ENTPD5: variants seen among roughly 807,000 people sequenced by gnomAD.
ENTPD5 encodes ectonucleoside triphosphate diphosphohydrolase 5 (inactive), also known as nucleoside diphosphate phosphatase ENTPD5.
A neutral mutation model predicts 60.2 loss-of-function variants in ENTPD5; 49 were observed. The ratio of observed to expected loss-of-function variants is 0.81; its 90% CI spans 0.65 to 1.03. ENTPD5 has a LOEUF of 1.03. ENTPD5 is among the 50% of genes least tolerant of loss of function. The pLI, the probability that ENTPD5 is intolerant of heterozygous loss-of-function variation, is 0.00. For missense variants in ENTPD5, 480 were observed against 507.6 expected (o/e 0.95, Z 0.52); for synonymous variants, 187 against 185.4 (o/e 1.01, Z -0.07).
At chr14:74,011,681 C>G (rs1410488312) in intron 2 of ENTPD5, among the ~76,000 whole-genome samples, 2 of 152,048 alleles carry the variant, frequency 1.3e-5, no homozygotes, top group African/African-American at 4.8e-5. Context: ...GCCTGTAGTC[C>G]CAGCTACTTG....
chr14:73,962,660 GT>G, downstream of ENTPD5: 1 of 283,996 alleles, frequency 3.5e-6, no homozygotes, highest in Non-Finnish European at 6.5e-6. Flanking sequence ...TTAAAGATAT[GT>G]TTTTTCTGAT....
chr14:73,995,427 T>G (rs2058307147), intron 3 of ENTPD5, among the ~76,000 whole-genome samples: 1 of 151,938 alleles, frequency 6.6e-6, no homozygotes, highest in African/African-American at 2.4e-5. Flanking sequence ...CAGTAGATGT[T>G]GAATGAATAC....
downstream of ENTPD5, chr14:73,958,968 C>A: frequency 6.2e-7 from 1 of 1,613,662 alleles, no homozygotes; most frequent in South Asian, 1.1e-5. Context: ...TGTGTCCATG[C>A]AGATAGGTGC....
chr14:74,006,961 A>AT (rs1466617362), intron 3 of ENTPD5, among the ~76,000 whole-genome samples: 1 of 152,226 alleles, frequency 6.6e-6, no homozygotes, highest in Admixed American at 6.5e-5. Flanking sequence ...TTGAAGATAC[A>AT]TATCAGTTAA....
intron 4 of ENTPD5, 39 bp downstream of exon 4, chr14:73,987,847 G>A (rs118036060): frequency 6.3e-7 from 1 of 1,591,592 alleles, no homozygotes; most frequent in Non-Finnish European, 8.6e-7. Flanking sequence ...GCTAAAGTGT[G>A]GATTTACAGA....
chr14:73,994,422 G>A (rs1162453912), intron 3 of ENTPD5, among the ~76,000 whole-genome samples: 1 of 150,682 alleles, frequency 6.6e-6, no homozygotes, highest in Non-Finnish European at 1.5e-5. Flanking sequence ...CCTCCGCACC[G>A]AGCAATGTAA....
chr14:74,002,151 G>A (rs1209687982), intron 3 of ENTPD5, among the ~76,000 whole-genome samples: 4 of 152,118 alleles, frequency 2.6e-5, no homozygotes, highest in African/African-American at 9.7e-5. Context: ...TTTTATAAAT[G>A]AGAAAACTGA....
chr14:73,990,048 G>A (rs2058071366), intron 3 of ENTPD5, among the ~76,000 whole-genome samples: 2 of 151,824 alleles, frequency 1.3e-5, no homozygotes, highest in South Asian at 4.2e-4. Flanking sequence ...AGCCAGGTAT[G>A]GTGGCACATG....
At chr14:74,013,545 T>C (rs2058912155) in intron 2 of ENTPD5, among the ~76,000 whole-genome samples, 1 of 152,204 alleles carries the variant, frequency 6.6e-6, no homozygotes, top group Non-Finnish European at 1.5e-5. Context: ...ATATTTTATG[T>C]GTGACCCAAG....
At chr14:73,955,512 GC>G (rs1305454154), downstream of ENTPD5, 31 of 1,613,484 alleles carry the variant, frequency 1.9e-5, no homozygotes, top group Non-Finnish European at 2.6e-5. Context: ...GAATGCAGGT[GC>G]CCCTTTATCT....
Position 73,972,934 on chromosome 14 carries a change from A to G in ENTPD5, c.977T>C (p.Phe326Ser), listed in dbSNP as rs746266365. The stretch of plus-strand genomic sequence containing the variant: ...GTCATAATAGTAAGAGAAAGCATAG[A>G]AGGAACCTCTCTGGACCTCCTCTGG... ...HQPEEVQRGS[F>S]YAFSYYYDRA... Residue 326 changes from phenylalanine to serine, a missense_variant, in exon 13 of 16, where the codon TTC becomes TCC. Phe to Ser is a radical substitution (Grantham distance 155). Coordinates refer to ENST00000334696, the MANE Select transcript of ENTPD5 (RefSeq NM_001249.5). 1 of 1,614,232 alleles carries G rather than the reference A, an allele frequency of 6.2e-7. No individual in the cohort carries two copies. Among genetic ancestry groups the G allele is most frequent in the South Asian group, 1.1e-5 (1 of 91,086 alleles).
intron 1 of ENTPD5, among the ~76,000 whole-genome samples, chr14:74,017,714 T>C (rs1224311302): frequency 5.0e-3 from 624 of 125,062 alleles, no homozygotes; most frequent in Middle Eastern, 0.044. Context: ...GGTGAAACTC[T>C]GTCTCTACCA....
intron 3 of ENTPD5, among the ~76,000 whole-genome samples, chr14:73,988,947 C>G (rs749641972): frequency 3.9e-5 from 6 of 152,154 alleles, no homozygotes; most frequent in Non-Finnish European, 8.8e-5. Flanking sequence ...CCTCAGCCTC[C>G]TGAGTAGCTG....
chr14:73,967,059 A>C (rs759901848), intron 15 of ENTPD5, 45 bp from the exon 16 acceptor site: 186 of 1,535,310 alleles, frequency 1.2e-4, no homozygotes, highest in Non-Finnish European at 1.6e-4. Flanking sequence ...CCAGTTTCCA[A>C]CTCTAGCAAG....
downstream of ENTPD5, chr14:73,959,454 C>A (rs3177201): frequency 6.2e-7 from 1 of 1,614,210 alleles, no homozygotes; most frequent in African/African-American, 1.3e-5. Flanking sequence ...GTCCACGTCC[C>A]ATGAACATGC....
intron 13 of ENTPD5, 30 bp from the exon 14 acceptor site, chr14:73,971,938 C>G (rs371633599): frequency 7.5e-6 from 10 of 1,340,606 alleles, no homozygotes; most frequent in Non-Finnish European, 9.7e-6. Context: ...TATCTGATAT[C>G]AAAACGCCTT....
rs1566719868 is a variant in ENTPD5 at position 73,976,046 on chromosome 14, C to T, written c.643-31G>A. 3.2e-6 allele frequency: 5 copies of T among 1,568,268 alleles called. No homozygotes were observed. In the Admixed American group the frequency reaches 5.0e-5, roughly 16 times the overall value. ...AATCAGAAAAAGCAAAAAGACTATTCAGGATCTGTAATTACCTGAAGATGT... is the reference window on the plus strand; with the variant it reads ...AATCAGAAAAAGCAAAAAGACTATTTAGGATCTGTAATTACCTGAAGATGT... On this transcript the variant is annotated intron_variant, in intron 9 of 15. Transcript: ENST00000334696.
At position 74,015,932 on chromosome 14, in the gene ENTPD5, T is replaced by C. The variant is rs189072432; in HGVS notation, c.-237-2A>G. On this transcript the variant is annotated splice_acceptor_variant, in intron 1 of 15. Coordinates refer to ENST00000334696, the MANE Select transcript of ENTPD5 (RefSeq NM_001249.5). LOFTEE classifies it low-confidence loss of function (5UTR_SPLICE). ...TTTGTTGACCAGGAACAAGGAAAAC[T>C]GGACAGAAAAAGAATTACAAAACCA... is the stretch of plus-strand genomic sequence containing the variant. The C allele has an allele frequency of 1.6e-4, 25 of 152,298 alleles. No homozygotes were observed. Among genetic ancestry groups the C allele is most frequent in the Admixed American group, 1.5e-3 (23 of 15,288 alleles). 9.4% of individuals were successfully genotyped at this position (152,298 alleles called of 1,614,324 possible).
chr14:73,967,986 T>C (rs2057059081), intron 15 of ENTPD5, among the ~76,000 whole-genome samples: 1 of 151,704 alleles, frequency 6.6e-6, no homozygotes, highest in Non-Finnish European at 1.5e-5. Flanking sequence ...TAGCCAGGCA[T>C]GGTGGCGCAT....
Sources: gnomAD v4.1 joint callset for allele counts (sites outside exome capture counted in the v4.1 genomes callset) on GRCh38, gnomAD v4.1.1 for gene constraint, MANE v1.5 for transcripts, NCBI Gene and HGNC (gene_info 2026-07-23, HGNC 2026-07-21) for gene names.